PPP2CA: variants seen among roughly 807,000 people sequenced by gnomAD.
PPP2CA encodes serine/threonine-protein phosphatase 2A catalytic subunit alpha isoform.
PPP2CA carries 5 observed loss-of-function variants against 38.8 expected under a neutral mutation model. That is an observed-to-expected ratio of 0.13 (90% CI 0.07 to 0.27). The LOEUF (loss-of-function observed/expected upper bound fraction) is 0.27. PPP2CA is among the 10% of genes least tolerant of loss of function. The pLI is 1.00. For synonymous variants in PPP2CA, 152 were observed against 134.0 expected (o/e 1.13, Z -0.93); for missense variants, 88 against 389.7 (o/e 0.23, Z 6.52).
intron 1 of PPP2CA, among the ~76,000 whole-genome samples, chr5:134,211,496 GAC>G (rs1762202258): frequency 2.1e-5 from 3 of 142,710 alleles, no homozygotes; most frequent in Admixed American, 7.0e-5. Context: ...TTTTTTTTGA[GAC>G]AGAGTTTCGC....
chr5:134,199,049 C>A, intron 6 of PPP2CA, 37 bp downstream of exon 6: 1 of 1,480,316 alleles, frequency 6.8e-7, no homozygotes, highest in African/African-American at 1.4e-5. Context: ...CCTACATATT[C>A]AGTAATGCAA....
intron 1 of PPP2CA, among the ~76,000 whole-genome samples, chr5:134,216,853 A>G (rs894477290): frequency 2.0e-5 from 3 of 152,164 alleles, no homozygotes; most frequent in African/African-American, 7.2e-5. Context: ...AAAAACGTCA[A>G]TGCAGGCCTA....
intron 6 of PPP2CA, among the ~76,000 whole-genome samples, chr5:134,198,512 T>TA (rs918067725): frequency 6.1e-4 from 90 of 147,114 alleles, no homozygotes; most frequent in Admixed American, 1.8e-3. Flanking sequence ...GTAGATCCAT[T>TA]AAAAAAAAAA....
At chr5:134,209,345 C>A (rs1366742996) in intron 1 of PPP2CA, among the ~76,000 whole-genome samples, 1 of 151,960 alleles carries the variant, frequency 6.6e-6, no homozygotes, top group Non-Finnish European at 1.5e-5. Flanking sequence ...TTGGAAAGAA[C>A]CAGTTTTAAG....
chr5:134,224,604 A>C (rs1762522585), intron 1 of PPP2CA, among the ~76,000 whole-genome samples: 1 of 152,242 alleles, frequency 6.6e-6, no homozygotes, highest in Non-Finnish European at 1.5e-5. Flanking sequence ...TTAATTTTGA[A>C]AAGGGAAGTT....
At position 134,201,914 on chromosome 5, in the gene PPP2CA, T is replaced by G. The variant is rs373404752; in HGVS notation, c.420A>C (p.Ala140=). 1.8e-4 allele frequency: 297 copies of G among 1,613,964 alleles called. No homozygotes were observed. Among genetic ancestry groups the G allele is most frequent in the Non-Finnish European group, 2.4e-4 (282 of 1,180,004 alleles). The change falls in exon 3 of 7, where the codon GCA becomes GCC. Residue 140 remains alanine, a synonymous_variant. Coordinates refer to ENST00000481195, the MANE Select transcript of PPP2CA (RefSeq NM_002715.4). Reference sequence around the variant, plus strand: ...GATCTGTAAAATATTTCCAAACATTTGCATTTCCATATTTTCTTAAACATT... The same window carrying G: ...GATCTGTAAAATATTTCCAAACATTGGCATTTCCATATTTTCTTAAACATT... ...YDECLRKYGN[A]NVWKYFTDLF...
At chr5:134,215,178 G>C (rs1287883263) in intron 1 of PPP2CA, among the ~76,000 whole-genome samples, 4 of 150,480 alleles carry the variant, frequency 2.7e-5, no homozygotes, top group African/African-American at 9.8e-5. Context: ...GCTCATTGCA[G>C]TCTAGATCTC....
rs1363971742 is a variant in PPP2CA, at chr5:134,197,787, T to C, written c.915A>G (p.Pro305=). The change falls in exon 7 of 7, where the codon CCA becomes CCG. Residue 305 remains proline (P), a synonymous_variant. Transcript: ENST00000481195. ...TAAAATTTCATTACAGGAAGTAGTC[T>C]GGGGTACGACGAGTAACATGTGGCT... ...RGEPHVTRRT[P]DYFL 1.9e-6 allele frequency: 3 copies of C among 1,613,974 alleles called. No homozygotes were observed. Among genetic ancestry groups the C allele is most frequent in the African/African-American group, 2.7e-5 (2 of 74,930 alleles).
intron 1 of PPP2CA, among the ~76,000 whole-genome samples, chr5:134,223,902 T>C (rs556059629): frequency 6.6e-6 from 1 of 152,240 alleles, no homozygotes; most frequent in African/African-American, 2.4e-5. Context: ...ACTACTAATT[T>C]AAAACGGAAT....
chr5:134,204,089 T>A (rs1051130451), intron 2 of PPP2CA, among the ~76,000 whole-genome samples: 1 of 152,202 alleles, frequency 6.6e-6, no homozygotes, highest in Non-Finnish European at 1.5e-5. Context: ...AATAACGATC[T>A]CCAAAAATAT....
At chr5:134,214,806 T>C (rs1301358650) in intron 1 of PPP2CA, among the ~76,000 whole-genome samples, 3 of 152,166 alleles carry the variant, frequency 2.0e-5, no homozygotes, top group African/African-American at 7.2e-5. Flanking sequence ...AGAAATTTTC[T>C]ATGCCCATTT....
intron 1 of PPP2CA, among the ~76,000 whole-genome samples, chr5:134,221,840 T>C (rs1291212334): frequency 6.6e-6 from 1 of 151,714 alleles, no homozygotes; most frequent in Non-Finnish European, 1.5e-5. Context: ...TGGTGGTGGG[T>C]ACCTGTAATC....
intron 1 of PPP2CA, among the ~76,000 whole-genome samples, chr5:134,216,441 G>A (rs1360162495): frequency 6.7e-6 from 1 of 150,094 alleles, no homozygotes; most frequent in East Asian, 2.0e-4. Flanking sequence ...TCAGGAGGCT[G>A]AAGCTGGAGA....
In PPP2CA at chr5:134,197,100, G is replaced by A. The variant is rs1458576251; in HGVS notation, c.*672C>T. 1.3e-5 allele frequency: 2 copies of A among 152,500 alleles called. No homozygotes were observed. The highest frequency in any genetic ancestry group is 4.8e-5 in the African/African-American group (2 of 41,388). The allele number at this position is 152,500 out of a possible 1,614,324, so 9.4% of individuals were successfully genotyped here. On this transcript the variant is annotated 3_prime_UTR_variant, in exon 7 of 7. Coordinates refer to ENST00000481195, the MANE Select transcript of PPP2CA (RefSeq NM_002715.4). ...TAAAATTTGACCTTCTCAGTTCTTA[G>A]TTCACAAGTTTATTATGAAAAACAC...
chr5:134,201,701 T>C (rs964146327), intron 3 of PPP2CA, 147 bp downstream of exon 3: 7 of 910,692 alleles, frequency 7.7e-6, no homozygotes, highest in Non-Finnish European at 1.1e-5. Context: ...TCAAATTAAA[T>C]TTTTTTTAAG....
At chr5:134,201,794 C>CT in intron 3 of PPP2CA, 54 bp downstream of exon 3, 1 of 1,567,906 alleles carries the variant, frequency 6.4e-7, no homozygotes, top group Non-Finnish European at 8.7e-7. Flanking sequence ...CACCTGAACA[C>CT]TAAAGAAAGC....
At chr5:134,205,515 G>A (rs1762064126) in intron 2 of PPP2CA, 1 of 169,004 alleles carries the variant, frequency 5.9e-6, no homozygotes, top group African/African-American at 2.5e-5. Context: ...CAGAGTAGCT[G>A]GGATTACAGG....
At chr5:134,221,335 G>C (rs1190208115) in intron 1 of PPP2CA, among the ~76,000 whole-genome samples, 1 of 152,168 alleles carries the variant, frequency 6.6e-6, no homozygotes, top group Non-Finnish European at 1.5e-5. Flanking sequence ...GATTGGTCTT[G>C]GTCTCCTGAC....
chr5:134,205,856 G>GA lies in PPP2CA; in HGVS notation c.312+65dup, dbSNP rs763575449. ...ATTCAGATAGAGAAAATAACTGGGG[G>GA]AAAAAAAACTTTCAAGAGGACTGTC... is the stretch of plus-strand genomic sequence containing the variant. On this transcript the variant is annotated intron_variant, in intron 2 of 6. Transcript: ENST00000481195. 18 of 1,325,030 alleles carry GA rather than the reference G, an allele frequency of 1.4e-5. No individual in the cohort carries two copies. In the African/African-American group the frequency reaches 2.0e-4, roughly 15 times the overall value. The allele number at this position is 1,325,030 out of a possible 1,614,324, so 82.1% of individuals were successfully genotyped here. A position where few individuals can be genotyped will look rare whatever the true frequency, so the allele number is the denominator to read the frequency against.
Sources: allele counts gnomAD v4.1 joint callset (sites outside exome capture counted in the v4.1 genomes callset), GRCh38; gene constraint gnomAD v4.1.1; transcripts MANE v1.5; gene names NCBI Gene and HGNC (gene_info 2026-07-23, HGNC 2026-07-21).